SLCO5A1: variants seen among roughly 807,000 people sequenced by gnomAD.
SLCO5A1 encodes the protein organic anion transporter polypeptide-related protein 4.
SLCO5A1 carries 39 observed loss-of-function variants against 65.1 expected under a neutral mutation model. The ratio of observed to expected loss-of-function variants is 0.60; its 90% confidence interval spans 0.46 to 0.78. The LOEUF (loss-of-function observed/expected upper bound fraction) is 0.78, where lower values mean the gene tolerates loss of function less well. Among genes scored for constraint, SLCO5A1 ranks in the 30% least tolerant of loss-of-function variants. SLCO5A1 has a pLI of 0.00. For synonymous variants in SLCO5A1, 438 were observed against 415.7 expected, an observed-to-expected ratio of 1.05 and a Z score of -0.65; for missense variants, 1,029 against 1,069.4, an observed-to-expected ratio of 0.96 and a Z score of 0.53.
At chr8:69,699,727 C>G (rs575598236) in intron 6 of SLCO5A1, among the ~76,000 whole-genome samples, 1 of 152,242 alleles carries the variant, frequency 6.6e-6, no homozygotes, top group South Asian at 2.1e-4. Context: ...AAAAGGAAGT[C>G]TAAATAATGT....
intron 2 of SLCO5A1, among the ~76,000 whole-genome samples, chr8:69,817,026 AAATC>A (rs1272884398): frequency 4.6e-5 from 7 of 152,198 alleles, no homozygotes; most frequent in Admixed American, 4.6e-4. Flanking sequence ...TTAATTTTTT[AAATC>A]ATCTTAATCA....
Position 69,832,796 on chromosome 8 carries a change from G to A in SLCO5A1, c.-123C>T, listed in dbSNP as rs939789262. 12 of 1,097,450 alleles carry A rather than the reference G, an allele frequency of 1.1e-5. No homozygotes were observed. The highest frequency in any genetic ancestry group is 7.9e-5 in the African/African-American group (5 of 63,246). 68.0% of individuals were successfully genotyped at this position (1,097,450 alleles called of 1,614,324 possible). A position where few individuals can be genotyped will look rare whatever the true frequency, so the allele number is the denominator to read the frequency against. ...TGCCCACCTGGGACTGGGGCTGGGGGCGCAGGGCCGCGCAGCAGGGCATCC... is the reference window on the plus strand; with the variant it reads ...TGCCCACCTGGGACTGGGGCTGGGGACGCAGGGCCGCGCAGCAGGGCATCC... On this transcript the variant is annotated 5_prime_UTR_variant, in exon 2 of 10. Transcript: ENST00000260126. This position sits in a 1 kb window ranked among gnomAD's most constrained non-coding sequence, Gnocchi z 4.5.
intron 2 of SLCO5A1, among the ~76,000 whole-genome samples, chr8:69,769,239 T>C (rs1413101212): frequency 6.6e-6 from 1 of 152,236 alleles, no homozygotes; most frequent in Non-Finnish European, 1.5e-5. Context: ...AAGTATTATC[T>C]GCACTGCCCA....
chr8:69,813,497 C>T (rs1027565149), intron 2 of SLCO5A1, among the ~76,000 whole-genome samples: 5 of 152,284 alleles, frequency 3.3e-5, no homozygotes, highest in South Asian at 2.1e-4. Context: ...GACAGTTTAA[C>T]GAGCAGTCAT....
chr8:69,726,609 C>A (rs991294364), intron 5 of SLCO5A1, among the ~76,000 whole-genome samples: 4 of 151,754 alleles, frequency 2.6e-5, no homozygotes, highest in African/African-American at 4.8e-5. Flanking sequence ...AAGCGATCCT[C>A]CCACCTCAGC....
intron 4 of SLCO5A1, among the ~76,000 whole-genome samples, chr8:69,749,105 C>T (rs554157211): frequency 5.3e-5 from 8 of 152,190 alleles, no homozygotes; most frequent in African/African-American, 1.9e-4. Context: ...TTTGCTGCGT[C>T]AAAAACTGAC....
intron 5 of SLCO5A1, among the ~76,000 whole-genome samples, chr8:69,709,396 A>G (rs1815123408): frequency 6.6e-6 from 1 of 152,210 alleles, no homozygotes; most frequent in African/African-American, 2.4e-5. Flanking sequence ...CTTAGCCCTG[A>G]ATAGGGGGAG....
chr8:69,822,348 T>C (rs897016883), intron 2 of SLCO5A1, among the ~76,000 whole-genome samples: 4 of 152,134 alleles, frequency 2.6e-5, no homozygotes, highest in African/African-American at 9.7e-5. Flanking sequence ...TAAATGTTCA[T>C]ACATTAAAGA....
intron 5 of SLCO5A1, among the ~76,000 whole-genome samples, chr8:69,707,383 A>G (rs1366919342): frequency 6.6e-6 from 1 of 152,218 alleles, no homozygotes; most frequent in Non-Finnish European, 1.5e-5. Context: ...CACAGAGAAT[A>G]TCCTACACAA....
At chr8:69,738,597 C>G (rs970863464) in intron 4 of SLCO5A1, among the ~76,000 whole-genome samples, 4 of 152,130 alleles carry the variant, frequency 2.6e-5, no homozygotes, top group African/African-American at 9.7e-5. Flanking sequence ...TGCAATGCAG[C>G]CTTAAATTAC....
intron 2 of SLCO5A1, among the ~76,000 whole-genome samples, chr8:69,795,345 C>A (rs1172034234): frequency 2.0e-5 from 3 of 152,146 alleles, no homozygotes; most frequent in African/African-American, 7.2e-5. Flanking sequence ...TTCCAAGACA[C>A]AATAGGGTAC....
rs1563650975 is a variant in SLCO5A1, at chr8:69,671,591, AATG to A, written c.*1275_*1277del. On this transcript the variant is annotated 3_prime_UTR_variant, in exon 10 of 10. Coordinates refer to ENST00000260126, the MANE Select transcript of SLCO5A1 (RefSeq NM_030958.3). ...GGAGGTACTGAAAAGAATGATGGGT[AATG>A]AACCCAAAGTGCATTTAGGAACAGA... The A allele has an allele frequency of 6.6e-6, 1 of 152,214 alleles. No homozygotes were observed. The allele number at this position is 152,214 out of a possible 1,614,324, so 9.4% of individuals were successfully genotyped here.
rs1346983784 is a variant in SLCO5A1 at position 69,669,869 on chromosome 8, A to G, written c.*3000T>C. On this transcript the variant is annotated 3_prime_UTR_variant, in exon 10 of 10. Coordinates refer to ENST00000260126, the MANE Select transcript of SLCO5A1 (RefSeq NM_030958.3). ...AAGGTAATTAAGAGGATCAAAATGA[A>G]TGATGATGTATATTAAGTGCTTGTC... 6.6e-6 allele frequency: 1 copy of G among 152,104 alleles called. No individual in the cohort carries two copies. Among genetic ancestry groups the G allele is most frequent in the African/African-American group, 2.4e-5 (1 of 41,408 alleles). The allele number at this position is 152,104 out of a possible 1,614,324, so 9.4% of individuals were successfully genotyped here. A position where few individuals can be genotyped will look rare whatever the true frequency, so the allele number is the denominator to read the frequency against.
chr8:69,800,245 ATTTTTTT>A (rs749384852), intron 2 of SLCO5A1, among the ~76,000 whole-genome samples: 7 of 81,294 alleles, frequency 8.6e-5, no homozygotes, highest in Non-Finnish European at 1.6e-4. Context: ...AGACGCTTGA[ATTTTTTT>A]TTTTTTTTTT....
intron 2 of SLCO5A1, among the ~76,000 whole-genome samples, chr8:69,769,458 C>T (rs1026400579): frequency 1.5e-4 from 23 of 152,126 alleles, no homozygotes; most frequent in Non-Finnish European, 2.9e-5. Flanking sequence ...ACACCTGTGC[C>T]ATGTCAAAAG....
intron 5 of SLCO5A1, among the ~76,000 whole-genome samples, chr8:69,716,892 T>A (rs1815568621): frequency 6.6e-6 from 1 of 151,498 alleles, no homozygotes. Flanking sequence ...CAATTCTCCC[T>A]CCTCAGCCTC....
intron 5 of SLCO5A1, among the ~76,000 whole-genome samples, chr8:69,730,472 C>G (rs752385760): frequency 1.3e-5 from 2 of 152,128 alleles, no homozygotes; most frequent in Non-Finnish European, 2.9e-5. Context: ...TTATTGTTTT[C>G]TAGACTAGAA....
At position 69,671,000 on chromosome 8, in the gene SLCO5A1, A is replaced by G. The variant is rs1645907396; in HGVS notation, c.*1869T>C. ...AAGATTTTTTGAATACTTCCAATAT[A>G]TGCCACATTGGCCAGAGTCTGACAA... is the stretch of plus-strand genomic sequence containing the variant. On this transcript the variant is annotated 3_prime_UTR_variant, in exon 10 of 10. Transcript: ENST00000260126. 1 of 152,246 alleles carries G rather than the reference A, an allele frequency of 6.6e-6. No individual in the cohort carries two copies. Among genetic ancestry groups the G allele is most frequent in the South Asian group, 2.1e-4 (1 of 4,824 alleles). The allele number at this position is 152,246 out of a possible 1,614,324, so 9.4% of individuals were successfully genotyped here. A position where few individuals can be genotyped will look rare whatever the true frequency, so the allele number is the denominator to read the frequency against.
chr8:69,739,646 A>C (rs1816714134), intron 4 of SLCO5A1, among the ~76,000 whole-genome samples: 1 of 152,174 alleles, frequency 6.6e-6, no homozygotes, highest in Non-Finnish European at 1.5e-5. Context: ...CACTGTCATC[A>C]TTTTAAAATT....
Sources: gnomAD v4.1 joint callset for allele counts (sites outside exome capture counted in the v4.1 genomes callset) on GRCh38, gnomAD v4.1.1 for gene constraint, Gnocchi (gnomAD v3.1) non-coding constraint, MANE v1.5 for transcripts, NCBI Gene and HGNC (gene_info 2026-07-23, HGNC 2026-07-21) for gene names.